Variants in MND1 observed in about 807,000 individuals in gnomAD.
MND1 encodes the protein meiotic nuclear division protein 1 homolog.
A neutral mutation model predicts 35.1 loss-of-function variants in MND1; 28 were observed. The ratio of observed to expected loss-of-function variants is 0.80; its 90% CI spans 0.59 to 1.09. The LOEUF (loss-of-function observed/expected upper bound fraction) is 1.09. Ranked by LOEUF, MND1 falls within the 50% of genes least tolerant of loss-of-function variation. MND1 has a pLI of 0.00. For missense variants in MND1, 213 were observed against 239.6 expected, an observed-to-expected ratio of 0.89 and a Z score of 0.73; for synonymous variants, 69 against 70.5, an observed-to-expected ratio of 0.98 and a Z score of 0.11.
At chr4:153,383,987 A>G (rs1728779127) in intron 4 of MND1, among the ~76,000 whole-genome samples, 2 of 152,202 alleles carry the variant, frequency 1.3e-5, no homozygotes, top group Non-Finnish European at 2.9e-5. Flanking sequence ...GTAAACATTC[A>G]TAAGTTTATA....
chr4:153,412,113 T>C (rs1729699542), intron 7 of MND1, among the ~76,000 whole-genome samples: 1 of 152,218 alleles, frequency 6.6e-6, no homozygotes, highest in Non-Finnish European at 1.5e-5. Flanking sequence ...GTAAAGATCA[T>C]TTTAATATCT....
chr4:153,347,603 A>G (rs971775002), intron 1 of MND1, among the ~76,000 whole-genome samples: 3 of 152,192 alleles, frequency 2.0e-5, no homozygotes, highest in Non-Finnish European at 2.9e-5. Flanking sequence ...CGGACAAGTA[A>G]ACATCTTTTC....
intron 4 of MND1, among the ~76,000 whole-genome samples, chr4:153,387,430 A>C (rs760578269): frequency 1.3e-5 from 2 of 152,106 alleles, no homozygotes; most frequent in African/African-American, 2.4e-5. Flanking sequence ...TTTAAATGGA[A>C]TATTACCTTT....
chr4:153,405,970 AT>A (rs1353317190), intron 6 of MND1, among the ~76,000 whole-genome samples: 2 of 151,792 alleles, frequency 1.3e-5, no homozygotes, highest in Non-Finnish European at 2.9e-5. Flanking sequence ...CGCCAGGCTA[AT>A]TTTTTACATT....
chr4:153,397,008 A>G (rs890237556), intron 5 of MND1, among the ~76,000 whole-genome samples: 2 of 152,164 alleles, frequency 1.3e-5, no homozygotes, highest in East Asian at 3.8e-4. Context: ...TATTCAATAT[A>G]TATAAAAGAT....
intron 4 of MND1, chr4:153,361,549 G>C (rs778858096): frequency 4.6e-5 from 21 of 455,976 alleles, no homozygotes; most frequent in Non-Finnish European, 9.3e-5. Flanking sequence ...TCCTATTATA[G>C]AAAATTCTGG....
chr4:153,384,186 C>T (rs533841478), intron 4 of MND1, among the ~76,000 whole-genome samples: 3 of 151,290 alleles, frequency 2.0e-5, no homozygotes, highest in Non-Finnish European at 2.9e-5. Flanking sequence ...TTAATCCTTC[C>T]TAGAAGTTAA....
At chr4:153,394,595 C>G (rs1178007674) in intron 5 of MND1, among the ~76,000 whole-genome samples, 1 of 152,192 alleles carries the variant, frequency 6.6e-6, no homozygotes, top group Non-Finnish European at 1.5e-5. Flanking sequence ...TCTGTTTTCA[C>G]TTCTCTCTGC....
At chr4:153,375,932 C>T (rs534269557) in intron 4 of MND1, among the ~76,000 whole-genome samples, 86 of 152,154 alleles carry the variant, frequency 5.7e-4, no homozygotes, top group South Asian at 1.2e-3. Flanking sequence ...TTTCTGAAGA[C>T]TTTTAACATA....
At chr4:153,351,124 T>C (rs1401560240) in intron 2 of MND1, among the ~76,000 whole-genome samples, 2 of 152,190 alleles carry the variant, frequency 1.3e-5, no homozygotes, top group Admixed American at 6.5e-5. Context: ...ATTCTTCTGC[T>C]GAGTTGAAAT....
At chr4:153,373,796 G>A (rs867939717) in intron 4 of MND1, among the ~76,000 whole-genome samples, 1 of 152,158 alleles carries the variant, frequency 6.6e-6, no homozygotes, top group Non-Finnish European at 1.5e-5. Context: ...ATAGCCCTTG[G>A]CATTTGCTAT....
intron 2 of MND1, 152 bp downstream of exon 2, chr4:153,350,281 G>A: frequency 3.5e-6 from 2 of 578,694 alleles, no homozygotes; most frequent in Non-Finnish European, 6.0e-6. Flanking sequence ...TGGTTCCTGT[G>A]AGTTATGGAG....
chr4:153,355,163 CAA>C (rs11333837), intron 2 of MND1, among the ~76,000 whole-genome samples: 5 of 150,086 alleles, frequency 3.3e-5, no homozygotes, highest in African/African-American at 1.2e-4. Flanking sequence ...AACCATGTCT[CAA>C]AAAAAAAATT....
intron 6 of MND1, among the ~76,000 whole-genome samples, chr4:153,404,503 A>G (rs1258488781): frequency 7.5e-6 from 1 of 134,212 alleles, no homozygotes; most frequent in African/African-American, 2.8e-5. Flanking sequence ...TTTTTTTTGA[A>G]ACGGGGTTTC....
At chr4:153,362,990 A>G in intron 4 of MND1, 1 of 985,020 alleles carries the variant, frequency 1.0e-6, no homozygotes, top group Middle Eastern at 5.2e-4. Flanking sequence ...CCTATAGGTG[A>G]CTTTCCCCCA....
intron 4 of MND1, among the ~76,000 whole-genome samples, chr4:153,384,562 G>A (rs1414836574): frequency 1.4e-5 from 2 of 147,808 alleles, no homozygotes; most frequent in East Asian, 4.0e-4. Flanking sequence ...CAAAGTGTTG[G>A]GATTACAGGC....
chr4:153,364,735 A>G (rs934692419), intron 4 of MND1, among the ~76,000 whole-genome samples: 9 of 152,162 alleles, frequency 5.9e-5, no homozygotes, highest in African/African-American at 2.2e-4. Context: ...ATTTAGAGAT[A>G]GAGTCTCACC....
At chr4:153,402,222 AT>A (rs1206499665) in intron 6 of MND1, among the ~76,000 whole-genome samples, 1 of 152,186 alleles carries the variant, frequency 6.6e-6, no homozygotes, top group Non-Finnish European at 1.5e-5. Context: ...TCTTTAAACA[AT>A]TTTTTAATTT....
At chr4:153,402,153 AAAC>A (rs1302367675) in intron 6 of MND1, among the ~76,000 whole-genome samples, 2 of 152,214 alleles carry the variant, frequency 1.3e-5, no homozygotes, top group Non-Finnish European at 2.9e-5. Flanking sequence ...AACAGTCTCA[AAAC>A]AACAACAACA....
Sources: gnomAD v4.1 joint callset for allele counts (sites outside exome capture counted in the v4.1 genomes callset) on GRCh38, gnomAD v4.1.1 for gene constraint, MANE v1.5 for transcripts, NCBI Gene and HGNC (gene_info 2026-07-23, HGNC 2026-07-21) for gene names.